FHIT: variants seen among roughly 807,000 people sequenced by gnomAD.
FHIT encodes the protein fragile histidine triad diadenosine triphosphatase, also known as bis(5'-adenosyl)-triphosphatase.
FHIT carries 19 observed loss-of-function variants against 17.9 expected under a neutral mutation model. The ratio of observed to expected loss-of-function variants is 1.06; its 90% CI spans 0.74 to 1.56. The LOEUF is 1.56. Among genes scored for constraint, FHIT ranks in the 40% most tolerant of loss-of-function variants. The pLI is 0.00. For synonymous variants in FHIT, 81 were observed against 69.7 expected (o/e 1.16, Z -0.81); for missense variants, 248 against 189.2 (o/e 1.31, Z -1.82).
At chr3:59,951,474 T>C (rs1181703919) in intron 7 of FHIT, among the ~76,000 whole-genome samples, 3 of 152,214 alleles carry the variant, frequency 2.0e-5, no homozygotes, top group African/African-American at 7.2e-5. Context: ...TTTCTGCTAA[T>C]TGTCTTTTAC....
chr3:61,236,618 T>C (rs2040237263), intron 1 of FHIT, among the ~76,000 whole-genome samples: 1 of 151,970 alleles, frequency 6.6e-6, no homozygotes, highest in South Asian at 2.1e-4. Flanking sequence ...TTTACAGATG[T>C]GGAAAGGGAG....
At chr3:59,961,214 G>C (rs1707662206) in intron 7 of FHIT, among the ~76,000 whole-genome samples, 1 of 152,054 alleles carries the variant, frequency 6.6e-6, no homozygotes, top group Non-Finnish European at 1.5e-5. Context: ...CTGATTCATA[G>C]CTGGAACTGC....
chr3:60,347,689 G>GGGTTTTTTTTTTTTTTTTT (rs1553750581), intron 5 of FHIT, among the ~76,000 whole-genome samples: 1 of 85,304 alleles, frequency 1.2e-5, no homozygotes, highest in Admixed American at 1.2e-4. Flanking sequence ...GGGGGGGGGG[G>GGGTTTTTTTTTTTTTTTTT]TTTGTTTTTT....
rs1480317234 is a variant in FHIT at position 60,675,932 on chromosome 3, T to G, written c.-17-138953A>C. Among the ~76,000 whole-genome samples, 4 of 152,344 alleles carry G rather than the reference T, an allele frequency of 2.6e-5. No individual in the cohort carries two copies. The South Asian group carries it at 8.3e-4, about 32-fold the overall frequency. ...ATTAGTCTGGTTCTTTTTTAAGTTT[T>G]TATTTATTGATTTTATCTTAACAGC... On this transcript the variant is annotated intron_variant, in intron 4 of 9. Transcript: ENST00000492590.
At chr3:60,626,099 T>C (rs1394735785) in intron 4 of FHIT, among the ~76,000 whole-genome samples, 4 of 152,220 alleles carry the variant, frequency 2.6e-5, no homozygotes, top group African/African-American at 4.8e-5. Context: ...TTTATTGTTA[T>C]GTCAGCACTA....
At chr3:60,817,709 C>A (rs953597735) in intron 4 of FHIT, among the ~76,000 whole-genome samples, 6 of 152,158 alleles carry the variant, frequency 3.9e-5, no homozygotes, top group African/African-American at 1.4e-4. Context: ...ATATGATGTA[C>A]CTATGCACAG....
chr3:60,529,217 T>A lies in FHIT; in HGVS notation c.103+7643A>T, dbSNP rs181900442. ...AGGAAATGGCAGCTAAGTAAATAAA[T>A]TAGATCATTAATTTGCAATAAATAT... is the stretch of plus-strand genomic sequence containing the variant. On this transcript the variant is annotated intron_variant, in intron 5 of 9. Coordinates refer to ENST00000492590, the MANE Select transcript of FHIT (RefSeq NM_002012.4). Among the ~76,000 whole-genome samples, 663 of 152,312 alleles carry A rather than the reference T, an allele frequency of 4.4e-3. 2 individuals are homozygous for A. The highest frequency in any genetic ancestry group is 0.015 in the African/African-American group (635 of 41,566).
chr3:60,328,431 A>G (rs1709806334), intron 5 of FHIT, among the ~76,000 whole-genome samples: 1 of 152,208 alleles, frequency 6.6e-6, no homozygotes, highest in African/African-American at 2.4e-5. Flanking sequence ...GGAAGAGTAA[A>G]GGCATGTCTG....
In FHIT at chr3:60,014,054, C is replaced by G; in HGVS notation, c.202G>C (p.Val68Leu). The G allele has an allele frequency of 6.2e-7, 1 of 1,614,090 alleles. No homozygotes were observed. Among genetic ancestry groups the G allele is most frequent in the Non-Finnish European group, 8.5e-7 (1 of 1,179,960 alleles). ...LFQTTQRVGT[V>L]VEKHFHGTSL... ...GTCCCATGGAAATGTTTTTCCACCACTGTCCCGACTCTCTGGGTCGTCTGA... is the reference window on the plus strand; with the variant it reads ...GTCCCATGGAAATGTTTTTCCACCAGTGTCCCGACTCTCTGGGTCGTCTGA... Residue 68 changes from valine (V) to leucine (L), a missense_variant, in exon 6 of 10, where the codon GTG becomes CTG. Coordinates refer to ENST00000492590, the MANE Select transcript of FHIT (RefSeq NM_002012.4).
At chr3:60,715,252 AT>A (rs1553706422) in intron 4 of FHIT, among the ~76,000 whole-genome samples, 1 of 152,166 alleles carries the variant, frequency 6.6e-6, no homozygotes, top group Non-Finnish European at 1.5e-5. Context: ...CTGAAACTGG[AT>A]CCCTTTCTTA....
chr3:60,246,889 C>T (rs1029578073), intron 5 of FHIT, among the ~76,000 whole-genome samples: 3 of 152,180 alleles, frequency 2.0e-5, no homozygotes, highest in South Asian at 2.1e-4. Flanking sequence ...CAGCTGATTA[C>T]GTATTTTAAG....
intron 2 of FHIT, among the ~76,000 whole-genome samples, chr3:61,157,955 C>T (rs1468596032): frequency 6.6e-6 from 1 of 152,022 alleles, no homozygotes; most frequent in Admixed American, 6.6e-5. Flanking sequence ...GTAATATTTA[C>T]TTGTTGGGTT....
intron 4 of FHIT, among the ~76,000 whole-genome samples, chr3:60,751,176 C>T (rs1553716717): frequency 6.6e-6 from 1 of 152,212 alleles, no homozygotes. Flanking sequence ...GTGGAAGTAA[C>T]ATGGGTGAAA....
At position 60,853,387 on chromosome 3, in the gene FHIT, A is replaced by G. The variant is rs781885526; in HGVS notation, c.-110-31376T>C. ...ATCGCTGTTTGGAACAACATCCAAC[A>G]GTTGGAATTGTGAAGTCATAGCCCC... On this transcript the variant is annotated intron_variant, in intron 3 of 9. Coordinates refer to ENST00000492590, the MANE Select transcript of FHIT (RefSeq NM_002012.4). Among the ~76,000 whole-genome samples, 51 of 152,198 alleles carry G rather than the reference A, an allele frequency of 3.4e-4. No individual in the cohort carries two copies. In the Middle Eastern group the frequency reaches 0.01, roughly 30 times the overall value.
chr3:60,157,722 CA>C (rs1700763911), intron 5 of FHIT, among the ~76,000 whole-genome samples: 2 of 152,102 alleles, frequency 1.3e-5, no homozygotes, highest in Non-Finnish European at 2.9e-5. Flanking sequence ...CATATATTTT[CA>C]AAAATTATTC....
intron 2 of FHIT, among the ~76,000 whole-genome samples, chr3:61,190,005 A>G (rs2038662144): frequency 6.6e-6 from 1 of 152,140 alleles, no homozygotes; most frequent in South Asian, 2.1e-4. Flanking sequence ...AGGCAATACC[A>G]TTCAGGACAT....
intron 5 of FHIT, among the ~76,000 whole-genome samples, chr3:60,201,712 T>C (rs1192478463): frequency 1.3e-5 from 2 of 152,106 alleles, no homozygotes; most frequent in African/African-American, 2.4e-5. Flanking sequence ...ATTTAACCTA[T>C]CTCATAACTT....
At chr3:60,824,193 T>C (rs543899617) in intron 3 of FHIT, among the ~76,000 whole-genome samples, 32 of 152,304 alleles carry the variant, frequency 2.1e-4, no homozygotes, top group Middle Eastern at 3.4e-3. Flanking sequence ...CTTAGGAGGC[T>C]CCTGCAGTTA....
chr3:60,540,238 C>A (rs1361454378), intron 4 of FHIT, among the ~76,000 whole-genome samples: 1 of 152,138 alleles, frequency 6.6e-6, no homozygotes, highest in African/African-American at 2.4e-5. Flanking sequence ...TGCTCTTTCC[C>A]CCATACCTCA....
Sources: allele counts gnomAD v4.1 joint callset (sites outside exome capture counted in the v4.1 genomes callset), GRCh38; gene constraint gnomAD v4.1.1; transcripts MANE v1.5; gene names NCBI Gene and HGNC (gene_info 2026-07-23, HGNC 2026-07-21).